The following RAP1GAP2 variants were observed in gnomAD, a reference collection of about 807,000 sequenced individuals.
RAP1GAP2 encodes the protein rap1 GTPase-activating protein 2.
A neutral mutation model predicts 95.0 loss-of-function variants in RAP1GAP2; 27 were observed. The ratio of observed to expected loss-of-function variants is 0.28; its 90% CI spans 0.21 to 0.39. The LOEUF is 0.39. Ranked by LOEUF, RAP1GAP2 falls within the 10% of genes least tolerant of loss-of-function variation. RAP1GAP2 has a pLI of 1.00. For synonymous variants in RAP1GAP2, 373 were observed against 380.9 expected (o/e 0.98, Z 0.24); for missense variants, 771 against 970.0 (o/e 0.79, Z 2.72).
chr17:2,761,979 C>CTTTTTTT (rs901487276), intron 1 of RAP1GAP2, among the ~76,000 whole-genome samples: 11 of 77,748 alleles, frequency 1.4e-4, no homozygotes, highest in East Asian at 5.1e-4. Flanking sequence ...GTTTATATAT[C>CTTTTTTT]TTTTTTTTTT....
intron 2 of RAP1GAP2, among the ~76,000 whole-genome samples, chr17:2,900,643 T>C (rs1390954362): frequency 2.0e-5 from 3 of 152,144 alleles, no homozygotes; most frequent in African/African-American, 7.2e-5. Flanking sequence ...GGTTTCACCA[T>C]GTTGGCCAGG....
intron 3 of RAP1GAP2, among the ~76,000 whole-genome samples, chr17:2,935,923 G>A (rs541763215): frequency 3.3e-5 from 5 of 152,192 alleles, no homozygotes; most frequent in East Asian, 3.9e-4. Context: ...TGCTCCAGCC[G>A]GGGTATTTTA....
At chr17:2,991,951 A>G (rs1438393246) in intron 12 of RAP1GAP2, among the ~76,000 whole-genome samples, 1 of 151,744 alleles carries the variant, frequency 6.6e-6, no homozygotes, top group East Asian at 1.9e-4. Flanking sequence ...ATTTGAGTAG[A>G]GACGGGGTTT....
At chr17:2,981,028 G>A (rs1489177485) in intron 9 of RAP1GAP2, among the ~76,000 whole-genome samples, 167 bp from the exon 10 acceptor site, 1 of 152,142 alleles carries the variant, frequency 6.6e-6, no homozygotes, top group Non-Finnish European at 1.5e-5. Context: ...CAGAAAGGGC[G>A]GTTGACTTGC....
chr17:3,009,843 G>A (rs535320369), intron 17 of RAP1GAP2, among the ~76,000 whole-genome samples: 3 of 152,180 alleles, frequency 2.0e-5, no homozygotes, highest in East Asian at 1.9e-4. Flanking sequence ...GAGAGAGGGC[G>A]CCAGGTCAGA....
Position 2,965,367 on chromosome 17 carries a change from G to A in RAP1GAP2, c.493-173G>A, listed in dbSNP as rs368333261. On this transcript the variant is annotated intron_variant, in intron 7 of 24. Coordinates refer to ENST00000254695, the MANE Select transcript of RAP1GAP2 (RefSeq NM_015085.5). The surrounding 1 kb of genome is among the most constrained non-coding windows in gnomAD (Gnocchi z 4.7). ...TTAAGCCCCTGGCACGGTGCCTGGCGCCTCCTGAGGATCCGGCCGTCGGTA... is the reference window on the plus strand; with the variant it reads ...TTAAGCCCCTGGCACGGTGCCTGGCACCTCCTGAGGATCCGGCCGTCGGTA... 10 of 608,260 alleles carry A rather than the reference G, an allele frequency of 1.6e-5. No homozygotes were observed. Among genetic ancestry groups the A allele is most frequent in the East Asian group, 5.6e-5 (2 of 35,958 alleles). The allele number at this position is 608,260 out of a possible 1,614,324, so 37.7% of individuals were successfully genotyped here.
chr17:2,938,466 T>C (rs1402837433), intron 3 of RAP1GAP2, among the ~76,000 whole-genome samples: 2 of 152,110 alleles, frequency 1.3e-5, no homozygotes, highest in Non-Finnish European at 2.9e-5. Context: ...GGAAAAAGAC[T>C]GTGAGACCCA....
intron 2 of RAP1GAP2, among the ~76,000 whole-genome samples, chr17:2,823,601 G>T (rs1014854995): frequency 6.6e-6 from 1 of 152,116 alleles, no homozygotes; most frequent in African/African-American, 2.4e-5. Context: ...AGAAAAGTGT[G>T]CCACTCGCTC....
chr17:2,960,869 A>G (rs1231283585), intron 4 of RAP1GAP2, among the ~76,000 whole-genome samples: 1 of 152,198 alleles, frequency 6.6e-6, no homozygotes, highest in Non-Finnish European at 1.5e-5. Context: ...TCTTGGAAAC[A>G]CCACGTGTTC....
At chr17:2,759,370 C>T (rs2071203882) in intron 1 of RAP1GAP2, among the ~76,000 whole-genome samples, 1 of 152,124 alleles carries the variant, frequency 6.6e-6, no homozygotes. Context: ...AGCCTCTACC[C>T]GCTAGGCTCA....
At chr17:2,879,438 A>G (rs1160417211) in intron 2 of RAP1GAP2, among the ~76,000 whole-genome samples, 2 of 152,006 alleles carry the variant, frequency 1.3e-5, no homozygotes, top group African/African-American at 4.8e-5. Context: ...TTACATTGAA[A>G]GTCCCTTGGC....
In RAP1GAP2 at chr17:2,985,579, G is replaced by C. The variant is rs555495962; in HGVS notation, c.813+513G>C. 9.9e-5 allele frequency among the ~76,000 whole-genome samples: 15 copies of C among 152,244 alleles called. No homozygotes were observed. The South Asian group carries it at 2.5e-3, about 25-fold the overall frequency. ...CACTATGGAAATTTGCAAACACCAG[G>C]GTTTCTATCTTCCTCCTTTGGAGAG... On this transcript the variant is annotated intron_variant, in intron 11 of 24. Coordinates refer to ENST00000254695, the MANE Select transcript of RAP1GAP2 (RefSeq NM_015085.5).
chr17:2,880,634 A>G (rs928142234), intron 2 of RAP1GAP2, among the ~76,000 whole-genome samples: 1 of 148,294 alleles, frequency 6.7e-6, no homozygotes, highest in South Asian at 2.1e-4. Flanking sequence ...CGTCACTCCC[A>G]CCCCCGCCTC....
At position 3,008,148 on chromosome 17, in the gene RAP1GAP2, A is replaced by G; in HGVS notation, c.1494+3A>G. 2 of 1,613,850 alleles carry G rather than the reference A, an allele frequency of 1.2e-6. No homozygotes were observed. Among genetic ancestry groups the G allele is most frequent in the Non-Finnish European group, 1.7e-6 (2 of 1,179,818 alleles). On this transcript the variant is annotated splice_donor_region_variant and intron_variant, in intron 17 of 24. Coordinates refer to ENST00000254695, the MANE Select transcript of RAP1GAP2 (RefSeq NM_015085.5). The surrounding 1 kb of genome is among the most constrained non-coding windows in gnomAD (Gnocchi z 4.2). ...GGGGGTTCCTGGAGTCTTTTAAGGTATGAGCGTCAGAGTGACTGATGGTTG... is the reference window on the plus strand; with the variant it reads ...GGGGGTTCCTGGAGTCTTTTAAGGTGTGAGCGTCAGAGTGACTGATGGTTG...
chr17:2,895,791 C>G (rs144122784), intron 2 of RAP1GAP2, among the ~76,000 whole-genome samples: 1 of 152,052 alleles, frequency 6.6e-6, no homozygotes, highest in Non-Finnish European at 1.5e-5. Flanking sequence ...TTGGCCAGGC[C>G]GGTCTCAAAC....
chr17:2,982,529 T>A (rs1316942302), intron 10 of RAP1GAP2, among the ~76,000 whole-genome samples: 1 of 152,228 alleles, frequency 6.6e-6, no homozygotes, highest in Non-Finnish European at 1.5e-5. Flanking sequence ...GGCGGAGTCC[T>A]TTCCTGCACA....
At chr17:2,926,144 AG>A (rs1337092115) in intron 3 of RAP1GAP2, among the ~76,000 whole-genome samples, 5 of 150,600 alleles carry the variant, frequency 3.3e-5, no homozygotes, top group African/African-American at 1.2e-4. Flanking sequence ...AAAAAAAAAA[AG>A]GAACCTGGTC....
At chr17:2,813,280 T>C (rs2069853143) in intron 2 of RAP1GAP2, among the ~76,000 whole-genome samples, 1 of 152,066 alleles carries the variant, frequency 6.6e-6, no homozygotes, top group African/African-American at 2.4e-5. Context: ...AGTAGCCATG[T>C]TGGCCAGGCT....
intron 4 of RAP1GAP2, among the ~76,000 whole-genome samples, chr17:2,961,284 G>A (rs1282136128): frequency 1.3e-5 from 2 of 151,520 alleles, no homozygotes; most frequent in Admixed American, 1.3e-4. Context: ...GGAAGCCAAG[G>A]CGGGTGGATC....
Sources: gnomAD v4.1 joint callset for allele counts (sites outside exome capture counted in the v4.1 genomes callset) on GRCh38, gnomAD v4.1.1 for gene constraint, Gnocchi (gnomAD v3.1) non-coding constraint, MANE v1.5 for transcripts, NCBI Gene and HGNC (gene_info 2026-07-23, HGNC 2026-07-21) for gene names.